The following ADD3 variants were observed in gnomAD, a reference collection of about 807,000 sequenced individuals.
ADD3 encodes the protein adducin 3.
A neutral mutation model predicts 80.2 loss-of-function variants in ADD3; 25 were observed. The observed-to-expected ratio is 0.31, with a 90% confidence interval of 0.23 to 0.44. ADD3 has a LOEUF of 0.44. Among genes scored for constraint, ADD3 ranks in the 20% least tolerant of loss-of-function variants. The pLI is 1.00. For missense variants in ADD3, 829 were observed against 847.5 expected (o/e 0.98, Z 0.27); for synonymous variants, 284 against 289.6 (o/e 0.98, Z 0.20).
intron 1 of ADD3, among the ~76,000 whole-genome samples, chr10:110,019,515 C>T (rs572214913): frequency 5.9e-5 from 9 of 152,156 alleles, no homozygotes; most frequent in South Asian, 2.1e-4. Context: ...CCACCACGCC[C>T]GGCTAATTTT....
At chr10:110,001,794 G>A (rs1321646158), upstream of ADD3, among the ~76,000 whole-genome samples, 1 of 152,116 alleles carries the variant, frequency 6.6e-6, no homozygotes, top group Non-Finnish European at 1.5e-5. Flanking sequence ...TTCTGTTGGA[G>A]GTAGTTCCTG....
chr10:110,118,307 C>A (rs1368218193), intron 5 of ADD3, among the ~76,000 whole-genome samples: 7 of 152,252 alleles, frequency 4.6e-5, no homozygotes, highest in East Asian at 3.9e-4. Flanking sequence ...TTCTCCTTTT[C>A]TTGGAAACTG....
At chr10:110,019,261 T>C (rs150645695) in intron 1 of ADD3, among the ~76,000 whole-genome samples, 3,761 of 152,316 alleles carry the variant, frequency 0.025, 77 homozygotes, top group Non-Finnish European at 0.039. Context: ...GTGTCTCAGT[T>C]CTCTCACTCA....
At chr10:110,057,120 G>A (rs1432451416) in intron 1 of ADD3, among the ~76,000 whole-genome samples, 2 of 152,110 alleles carry the variant, frequency 1.3e-5, no homozygotes, top group Admixed American at 6.5e-5. Flanking sequence ...GCTGGGGTTA[G>A]TGACCCAGTG....
At chr10:110,093,514 C>G (rs537580636) in intron 1 of ADD3, among the ~76,000 whole-genome samples, 2 of 152,264 alleles carry the variant, frequency 1.3e-5, no homozygotes, top group East Asian at 1.9e-4. Context: ...TTAATAGCTT[C>G]TAATTAAGTC....
At chr10:110,123,369 A>G (rs1851746887) in intron 9 of ADD3, among the ~76,000 whole-genome samples, 1 of 152,104 alleles carries the variant, frequency 6.6e-6, no homozygotes, top group South Asian at 2.1e-4. Flanking sequence ...CCTACATTCT[A>G]ACACTTGTTG....
chr10:110,020,597 A>G (rs1206488252), intron 1 of ADD3, among the ~76,000 whole-genome samples: 3 of 152,180 alleles, frequency 2.0e-5, no homozygotes, highest in Non-Finnish European at 2.9e-5. Flanking sequence ...GATAACTTCA[A>G]ACAGAGGTGT....
Position 110,113,560 on chromosome 10 carries a change from C to G in ADD3, c.334+645C>G, listed in dbSNP as rs1850325519. Among the ~76,000 whole-genome samples the G allele has an allele frequency of 2.0e-5, 3 of 152,300 alleles. No homozygotes were observed. In the South Asian group the frequency reaches 6.2e-4, roughly 32 times the overall value. Reference sequence around the variant, plus strand: ...GGGATTACAGGCCTGAGCCACTGCACCAGGCCCACCCTGTCTCTATTTTCT... The same window carrying G: ...GGGATTACAGGCCTGAGCCACTGCAGCAGGCCCACCCTGTCTCTATTTTCT... On this transcript the variant is annotated intron_variant, in intron 3 of 14. Transcript: ENST00000356080.
rs200235021 is a variant in ADD3, at chr10:110,051,106, T to G, written c.-30+42807T>G. ...ATAGTGCTGGGAAAACTGGATGTCC[T>G]CATGCAAAAAAATGAAGTAAGACCC... On this transcript the variant is annotated intron_variant, in intron 1 of 14. Transcript: ENST00000356080. Among the ~76,000 whole-genome samples, 27 of 152,228 alleles carry G rather than the reference T, an allele frequency of 1.8e-4. No individual in the cohort carries two copies. The East Asian group carries it at 5.2e-3, about 29-fold the overall frequency.
intron 1 of ADD3, among the ~76,000 whole-genome samples, chr10:110,010,119 A>AT (rs904627927): frequency 8.8e-5 from 10 of 114,100 alleles, no homozygotes; most frequent in Non-Finnish European, 1.6e-4. Context: ...TGGCCTTTGT[A>AT]AAACCAGAAT....
In ADD3 at chr10:110,119,240, A is replaced by C. The variant is rs370227323; in HGVS notation, c.747A>C (p.Pro249=). 1.6e-4 allele frequency: 251 copies of C among 1,614,036 alleles called. No homozygotes were observed. Among genetic ancestry groups the C allele is most frequent in the Middle Eastern group, 6.6e-4 (4 of 6,084 alleles). The part of the protein sequence containing the change: ...AVSSMKCGIL[P]ISQESLLLGD... ...CCTCCATGAAATGTGGGATCCTTCC[A>C]ATTTCTCAAGAGTCTCTTCTTCTGG... Residue 249 remains proline (P), a synonymous_variant, in exon 7 of 15, where the codon CCA becomes CCC. Transcript: ENST00000356080.
intron 1 of ADD3, among the ~76,000 whole-genome samples, chr10:110,012,899 A>C (rs971025404): frequency 6.6e-6 from 1 of 151,936 alleles, no homozygotes; most frequent in Non-Finnish European, 1.5e-5. Flanking sequence ...GGCCTGGTTT[A>C]TATCTTTAAG....
At chr10:110,068,980 G>T (rs1844337957) in intron 1 of ADD3, among the ~76,000 whole-genome samples, 1 of 152,152 alleles carries the variant, frequency 6.6e-6, no homozygotes. Context: ...GGGAGGCTGA[G>T]CTGGGAGGAT....
chr10:109,998,738 T>TA (rs1851427032), intron 1 of ADD3, among the ~76,000 whole-genome samples: 1 of 152,096 alleles, frequency 6.6e-6, no homozygotes, highest in African/African-American at 2.4e-5. Context: ...CCTTTGAACT[T>TA]ACTTGTCTCT....
chr10:110,040,171 A>T lies in ADD3; in HGVS notation c.-30+31872A>T, dbSNP rs376157146. Reference sequence around the variant, plus strand: ...CATGCTGTTAGGTAAATCGTTAGGAAAGTTATTATTATTTTTTTTTTTCAG... The same window carrying T: ...CATGCTGTTAGGTAAATCGTTAGGATAGTTATTATTATTTTTTTTTTTCAG... On this transcript the variant is annotated intron_variant, in intron 1 of 14. Coordinates refer to ENST00000356080, the MANE Select transcript of ADD3 (RefSeq NM_016824.5). 4.6e-5 allele frequency among the ~76,000 whole-genome samples: 7 copies of T among 151,776 alleles called. No individual in the cohort carries two copies. In the East Asian group the frequency reaches 1.3e-3, roughly 29 times the overall value.
intron 1 of ADD3, among the ~76,000 whole-genome samples, chr10:110,046,550 G>T (rs1463320506): frequency 1.3e-5 from 2 of 151,968 alleles, no homozygotes; most frequent in Non-Finnish European, 2.9e-5. Context: ...CTCATCTAAA[G>T]TGAAATTTTT....
chr10:110,052,085 C>T (rs1857576929), intron 1 of ADD3, among the ~76,000 whole-genome samples: 1 of 152,170 alleles, frequency 6.6e-6, no homozygotes, highest in Admixed American at 6.5e-5. Context: ...AGGTGTGAGC[C>T]TTCATGCCCA....
In ADD3 at chr10:110,118,019, TACACACACACACACACACACACACAC is replaced by T. The variant is rs148105742; in HGVS notation, c.568-538_568-513del. Among the ~76,000 whole-genome samples, 44 of 125,688 alleles carry T rather than the reference TACACACACACACACACACACACACAC, an allele frequency of 3.5e-4. 1 individual carries two copies. In the East Asian group the frequency reaches 4.0e-3, roughly 12 times the overall value. 82.5% of individuals were successfully genotyped at this position (125,688 alleles called of 152,430 possible). A position where few individuals can be genotyped will look rare whatever the true frequency, so the allele number is the denominator to read the frequency against. The stretch of plus-strand genomic sequence containing the variant: ...CTACAGGGCGAGACTCTGTCTTCAA[TACACACACACACACACACACACACAC>T]ACACACACACACACACACACACACA... On this transcript the variant is annotated intron_variant, in intron 5 of 14. Transcript: ENST00000356080.
At chr10:110,100,521 C>T in intron 1 of ADD3, 104 bp from the exon 2 acceptor site, 2 of 613,232 alleles carry the variant, frequency 3.3e-6, no homozygotes, top group Non-Finnish European at 5.2e-6. Flanking sequence ...TTAAAGTGCA[C>T]CTGTTAACTC....
Sources: gnomAD v4.1 joint callset for allele counts (sites outside exome capture counted in the v4.1 genomes callset) on GRCh38, gnomAD v4.1.1 for gene constraint, MANE v1.5 for transcripts, NCBI Gene and HGNC (gene_info 2026-07-23, HGNC 2026-07-21) for gene names.